MAP2K5: variants seen among roughly 807,000 people sequenced by gnomAD.
MAP2K5 encodes dual specificity mitogen-activated protein kinase kinase 5.
Under a neutral mutation model 83.1 loss-of-function variants are expected in MAP2K5, and 49 were observed. The observed-to-expected ratio is 0.59, with a 90% CI of 0.47 to 0.75. The LOEUF is 0.75. Ranked by LOEUF, MAP2K5 falls within the 30% of genes least tolerant of loss-of-function variation. MAP2K5 has a pLI of 0.00. For missense variants in MAP2K5, 457 were observed against 557.5 expected, an observed-to-expected ratio of 0.82 and a Z score of 1.82; for synonymous variants, 202 against 191.8, an observed-to-expected ratio of 1.05 and a Z score of -0.44.
At position 67,785,068 on chromosome 15, in the gene MAP2K5, T is replaced by C. The variant is rs950014958; in HGVS notation, c.1242+12316T>C. Among the ~76,000 whole-genome samples, 3 of 152,172 alleles carry C rather than the reference T, an allele frequency of 2.0e-5. No homozygotes were observed. Among genetic ancestry groups the C allele is most frequent in the African/African-American group, 7.2e-5 (3 of 41,454 alleles). ...GATCCTCCTACCTCAGCACCCGCCCTTCCTTGAGTAGCTGAGACTACACAT... is the reference window on the plus strand; with the variant it reads ...GATCCTCCTACCTCAGCACCCGCCCCTCCTTGAGTAGCTGAGACTACACAT... On this transcript the variant is annotated intron_variant, in intron 21 of 21. Transcript: ENST00000178640. The surrounding 1 kb of genome is among the most constrained non-coding windows in gnomAD (Gnocchi z 4.4).
intron 8 of MAP2K5, among the ~76,000 whole-genome samples, chr15:67,611,994 A>G (rs914293742): frequency 2.0e-5 from 3 of 151,852 alleles, no homozygotes; most frequent in African/African-American, 7.3e-5. Context: ...GATTAGCTCA[A>G]TGTCAGAAAT....
At chr15:67,618,098 C>T (rs1450141616) in intron 8 of MAP2K5, among the ~76,000 whole-genome samples, 1 of 152,186 alleles carries the variant, frequency 6.6e-6, no homozygotes, top group Non-Finnish European at 1.5e-5. Flanking sequence ...GGTGAGCACA[C>T]CTCTAACCTT....
chr15:67,685,176 G>T (rs1335908544), intron 13 of MAP2K5, among the ~76,000 whole-genome samples: 1 of 152,104 alleles, frequency 6.6e-6, no homozygotes, highest in Non-Finnish European at 1.5e-5. Flanking sequence ...GATAACCAGT[G>T]AGTAAAAAGA....
chr15:67,587,546 C>T lies in MAP2K5; in HGVS notation c.431+633C>T, dbSNP rs1199938065. Among the ~76,000 whole-genome samples the T allele has an allele frequency of 1.3e-5, 2 of 152,206 alleles. No homozygotes were observed. The highest frequency in any genetic ancestry group is 4.8e-5 in the African/African-American group (2 of 41,448). On this transcript the variant is annotated intron_variant, in intron 6 of 21. Transcript: ENST00000178640. This position sits in a 1 kb window ranked among gnomAD's most constrained non-coding sequence, Gnocchi z 4.8. ...GGTCATCAAATCTCTTACTGAACAT[C>T]CCTGTCGGAGGAATGCACTTTATCA...
At chr15:67,745,580 G>A (rs2089588282) in intron 17 of MAP2K5, among the ~76,000 whole-genome samples, 5 of 152,110 alleles carry the variant, frequency 3.3e-5, no homozygotes, top group Admixed American at 3.3e-4. Context: ...AAATACAGCC[G>A]AGTACATGGC....
At chr15:67,549,058 A>C in intron 1 of MAP2K5, 1 of 1,518,274 alleles carries the variant, frequency 6.6e-7, no homozygotes, top group South Asian at 1.2e-5. Context: ...CCTGCTGAGA[A>C]ATACTGCGAG....
intron 8 of MAP2K5, among the ~76,000 whole-genome samples, chr15:67,611,068 G>A (rs1316492127): frequency 1.3e-5 from 2 of 152,114 alleles, no homozygotes; most frequent in Admixed American, 6.6e-5. Flanking sequence ...ATTGTGTGAG[G>A]TTCTCAAACA....
intron 13 of MAP2K5, among the ~76,000 whole-genome samples, chr15:67,687,214 G>A (rs2087979887): frequency 6.6e-6 from 1 of 152,156 alleles, no homozygotes; most frequent in Non-Finnish European, 1.5e-5. Flanking sequence ...AATGCAGTAA[G>A]TTATGTTGGT....
At chr15:67,703,163 C>A (rs1003326764) in intron 15 of MAP2K5, among the ~76,000 whole-genome samples, 174 bp from the exon 16 acceptor site, 1 of 152,178 alleles carries the variant, frequency 6.6e-6, no homozygotes, top group Non-Finnish European at 1.5e-5. Context: ...TTCTATAGAT[C>A]ATCTATATAC....
At chr15:67,607,594 G>A (rs192539258) in intron 8 of MAP2K5, among the ~76,000 whole-genome samples, 54 of 152,230 alleles carry the variant, frequency 3.5e-4, no homozygotes, top group Middle Eastern at 3.4e-3. Context: ...GTTTCCACCC[G>A]AATTAACTAT....
At chr15:67,682,476 G>A (rs1353041441) in intron 13 of MAP2K5, among the ~76,000 whole-genome samples, 1 of 151,572 alleles carries the variant, frequency 6.6e-6, no homozygotes, top group African/African-American at 2.4e-5. Context: ...ACCCGCCTTG[G>A]CCTCCCAAAG....
chr15:67,750,223 ATTTC>A lies in MAP2K5; in HGVS notation c.1134+1629_1134+1632del, dbSNP rs1285058390. 1.3e-5 allele frequency among the ~76,000 whole-genome samples: 2 copies of A among 152,208 alleles called. No homozygotes were observed. The highest frequency in any genetic ancestry group is 4.8e-5 in the African/African-American group (2 of 41,464). On this transcript the variant is annotated intron_variant, in intron 19 of 21. Coordinates refer to ENST00000178640, the MANE Select transcript of MAP2K5 (RefSeq NM_145160.3). This position sits in a 1 kb window ranked among gnomAD's most constrained non-coding sequence, Gnocchi z 4.2. Reference sequence around the variant, plus strand: ...TAAATGATATATTTTTCTTCATAGCATTTCTTTCTTAGTCAAGAGAAAAATGTAA... The same window carrying A: ...TAAATGATATATTTTTCTTCATAGCATTTCTTAGTCAAGAGAAAAATGTAA...
intron 13 of MAP2K5, among the ~76,000 whole-genome samples, chr15:67,691,652 A>G (rs185159013): frequency 7.6e-4 from 115 of 152,270 alleles, no homozygotes; most frequent in African/African-American, 2.7e-3. Context: ...TATACCATCA[A>G]AAGTGGTATG....
Position 67,719,516 on chromosome 15 carries a change from C to T in MAP2K5, c.1045-8400C>T, listed in dbSNP as rs1382540463. On this transcript the variant is annotated intron_variant, in intron 16 of 21. Transcript: ENST00000178640. The surrounding 1 kb of genome is among the most constrained non-coding windows in gnomAD (Gnocchi z 4.6). ...GTTAAAATTTATAAGGCACTAGAAA[C>T]ACAGGAAGATGTAGAACACTGGGAA... Among the ~76,000 whole-genome samples, 4 of 152,140 alleles carry T rather than the reference C, an allele frequency of 2.6e-5. No individual in the cohort carries two copies. The highest frequency in any genetic ancestry group is 1.3e-4 in the Admixed American group (2 of 15,278).
At chr15:67,761,749 A>ATT (rs199568508) in intron 19 of MAP2K5, among the ~76,000 whole-genome samples, 2 of 151,808 alleles carry the variant, frequency 1.3e-5, no homozygotes, top group African/African-American at 4.8e-5. Flanking sequence ...GAAAAGATCA[A>ATT]TTTTTTTTCA....
chr15:67,690,995 C>T lies in MAP2K5; in HGVS notation c.848-1484C>T, dbSNP rs2088098975. On this transcript the variant is annotated intron_variant, in intron 13 of 21. Transcript: ENST00000178640. The surrounding 1 kb of genome is among the most constrained non-coding windows in gnomAD (Gnocchi z 4.3). ...TACCGATAAAAAGAGCTTACACCTG[C>T]CTGTGCATACCAACTTGAATTCATA... 6.6e-6 allele frequency among the ~76,000 whole-genome samples: 1 copy of T among 152,180 alleles called. No individual in the cohort carries two copies. Among genetic ancestry groups the T allele is most frequent in the East Asian group, 1.9e-4 (1 of 5,198 alleles).
At position 67,785,775 on chromosome 15, in the gene MAP2K5, G is replaced by C. The variant is rs555414905; in HGVS notation, c.1242+13023G>C. ...TGTGTTGTGCGTAAAGCCTGGAGAG[G>C]CTAAGGATGGTCTTTCAAAGCTTGC... is the stretch of plus-strand genomic sequence containing the variant. On this transcript the variant is annotated intron_variant, in intron 21 of 21. Coordinates refer to ENST00000178640, the MANE Select transcript of MAP2K5 (RefSeq NM_145160.3). The surrounding 1 kb of genome is among the most constrained non-coding windows in gnomAD (Gnocchi z 4.4). 6.6e-6 allele frequency among the ~76,000 whole-genome samples: 1 copy of C among 152,326 alleles called. No homozygotes were observed. The highest frequency in any genetic ancestry group is 6.5e-5 in the Admixed American group (1 of 15,308).
chr15:67,685,770 A>G (rs1282999140), intron 13 of MAP2K5, among the ~76,000 whole-genome samples: 4 of 152,274 alleles, frequency 2.6e-5, no homozygotes, highest in African/African-American at 4.8e-5. Flanking sequence ...TAGAACAGCC[A>G]TAAATAAATA....
chr15:67,784,555 T>C (rs2090383995), intron 21 of MAP2K5, among the ~76,000 whole-genome samples: 2 of 152,164 alleles, frequency 1.3e-5, no homozygotes, highest in African/African-American at 4.8e-5. Flanking sequence ...GCACACACTC[T>C]CCACCCATCC....
Sources: gnomAD v4.1 joint callset for allele counts (sites outside exome capture counted in the v4.1 genomes callset) on GRCh38, gnomAD v4.1.1 for gene constraint, Gnocchi (gnomAD v3.1) non-coding constraint, MANE v1.5 for transcripts, NCBI Gene and HGNC (gene_info 2026-07-23, HGNC 2026-07-21) for gene names.